Variants in IGHMBP2 observed in about 807,000 individuals in gnomAD.
IGHMBP2 encodes the protein immunoglobulin mu DNA binding protein 2, also known as DNA-binding protein SMUBP-2.
In IGHMBP2, 81 loss-of-function variants were observed where a neutral mutation model predicts 96.0. That is an observed-to-expected ratio of 0.84 (90% CI 0.71 to 1.01). The LOEUF (loss-of-function observed/expected upper bound fraction) is 1.01, where lower values mean the gene tolerates loss of function less well. Among genes scored for constraint, IGHMBP2 ranks in the 50% least tolerant of loss-of-function variants. The pLI is 0.00. For missense variants in IGHMBP2, 1,227 were observed against 1,306.3 expected (o/e 0.94, Z 0.94); for synonymous variants, 557 against 548.9 (o/e 1.01, Z -0.21).
chr11:68,904,342 C>G (rs181461933), intron 1 of IGHMBP2, among the ~76,000 whole-genome samples: 1 of 152,178 alleles, frequency 6.6e-6, no homozygotes, highest in Non-Finnish European at 1.5e-5. Flanking sequence ...AGCGAGTTAG[C>G]AGCCCTTTCC....
intron 7 of IGHMBP2, among the ~76,000 whole-genome samples, chr11:68,918,858 A>G (rs1390537508): frequency 6.6e-6 from 1 of 151,724 alleles, no homozygotes; most frequent in Non-Finnish European, 1.5e-5. Flanking sequence ...CTTTTTCTCT[A>G]TTGTTTTTCT....
In IGHMBP2 at chr11:68,940,030, A is replaced by T; in HGVS notation, c.*299A>T. The T allele has an allele frequency of 2.2e-6, 1 of 452,976 alleles. No individual in the cohort carries two copies. Among genetic ancestry groups the T allele is most frequent in the South Asian group, 2.7e-5 (1 of 37,596 alleles). The allele number at this position is 452,976 out of a possible 1,614,324, so 28.1% of individuals were successfully genotyped here. ...CATCCCAGCCTCTGGATCCTGGGGA[A>T]GGTTCCAGTCCCTGGAGAATACCCA... On this transcript the variant is annotated 3_prime_UTR_variant, in exon 15 of 15. Transcript: ENST00000255078.
At chr11:68,926,276 T>G (rs537346804) in intron 7 of IGHMBP2, 54 of 148,188 alleles carry the variant, frequency 3.6e-4, no homozygotes, top group African/African-American at 1.3e-3. Context: ...CTTTTTTTTT[T>G]TTTTTTTTTT....
At position 68,914,966 on chromosome 11, in the gene IGHMBP2, G is replaced by A. The variant is rs147409148; in HGVS notation, c.855G>A (p.Ala285=). The change falls in exon 6 of 15, where the codon GCG becomes GCA. Residue 285 remains alanine (A), a synonymous_variant. Coordinates refer to ENST00000255078, the MANE Select transcript of IGHMBP2 (RefSeq NM_002180.3). The part of the protein sequence containing the change: ...IQQHSLDAVL[A]RSDSAQIVAD... Reference sequence around the variant, plus strand: ...AGCACTCCCTGGATGCGGTTTTAGCGCGGAGCGACAGTGCCCAGATTGTTG... The same window carrying A: ...AGCACTCCCTGGATGCGGTTTTAGCACGGAGCGACAGTGCCCAGATTGTTG... 3.4e-4 allele frequency: 553 copies of A among 1,614,086 alleles called. No individual in the cohort carries two copies. The highest frequency in any genetic ancestry group is 4.3e-4 in the Non-Finnish European group (511 of 1,180,022).
chr11:68,912,923 T>C (rs2154007023), intron 5 of IGHMBP2, among the ~76,000 whole-genome samples: 1 of 151,212 alleles, frequency 6.6e-6, no homozygotes, highest in South Asian at 2.1e-4. Flanking sequence ...ACACCTGCAA[T>C]CCCAGCTACT....
chr11:68,927,428 G>A (rs1286906816), intron 7 of IGHMBP2, among the ~76,000 whole-genome samples: 1 of 152,204 alleles, frequency 6.6e-6, no homozygotes, highest in Non-Finnish European at 1.5e-5. Flanking sequence ...CCAACACAGA[G>A]CCAGGCTGTT....
At chr11:68,906,504 G>T in intron 2 of IGHMBP2, 1 of 449,464 alleles carries the variant, frequency 2.2e-6, no homozygotes. Flanking sequence ...CACCAAATTT[G>T]GAAGATTATG....
In IGHMBP2 at chr11:68,928,807, T is replaced by G. The variant is rs530330421; in HGVS notation, c.1061-376T>G. Among the ~76,000 whole-genome samples, 4 of 150,164 alleles carry G rather than the reference T, an allele frequency of 2.7e-5. No individual in the cohort carries two copies. In the South Asian group the frequency reaches 8.3e-4, roughly 31 times the overall value. On this transcript the variant is annotated intron_variant, in intron 7 of 14. Transcript: ENST00000255078. ...TCTGGGTGAGTGCCCAGCAGTTGAT[T>G]GTTCTGTATGTCCAAGAAAGTCACC...
intron 8 of IGHMBP2, among the ~76,000 whole-genome samples, chr11:68,931,313 T>G (rs374154639): frequency 6.6e-6 from 1 of 152,084 alleles, no homozygotes; most frequent in East Asian, 1.9e-4. Flanking sequence ...CAGCTACAGC[T>G]GCACCCAAGA....
At chr11:68,931,485 G>A (rs1312985288) in intron 8 of IGHMBP2, among the ~76,000 whole-genome samples, 2 of 152,166 alleles carry the variant, frequency 1.3e-5, no homozygotes, top group African/African-American at 2.4e-5. Context: ...TAAGAGCACC[G>A]GGAGACGCAG....
At chr11:68,928,569 G>A (rs576318906) in intron 7 of IGHMBP2, among the ~76,000 whole-genome samples, 1 of 152,326 alleles carries the variant, frequency 6.6e-6, no homozygotes, top group Admixed American at 6.5e-5. Flanking sequence ...CCTTTGTGGT[G>A]CAATCTCATG....
chr11:68,917,993 A>G, intron 7 of IGHMBP2, 110 bp downstream of exon 7: 1 of 1,283,970 alleles, frequency 7.8e-7, no homozygotes, highest in South Asian at 1.2e-5. Flanking sequence ...TCTTTCTTAA[A>G]AGTTGGGTAG....
chr11:68,911,361 G>C, intron 4 of IGHMBP2, 79 bp from the exon 5 acceptor site: 5 of 1,460,908 alleles, frequency 3.4e-6, no homozygotes. Context: ...CTCATCCCCC[G>C]GGGCACACAC....
rs1445808348 is a variant in IGHMBP2 at position 68,936,859 on chromosome 11, G to C, written c.2379G>C (p.Leu793=). Residue 793 remains leucine, a synonymous_variant, in exon 13 of 15, where the codon CTG becomes CTC. Coordinates refer to ENST00000255078, the MANE Select transcript of IGHMBP2 (RefSeq NM_002180.3). ...GGGCCCCGCGACCCCGAGCAGCCCT[G>C]GGACCCCCAGCAGGGACCGGTGGCC... The part of the protein sequence containing the change: ...SKRAPRPRAA[L]GPPAGTGGPA... 1.2e-6 allele frequency: 2 copies of C among 1,612,908 alleles called. No homozygotes were observed. The highest frequency in any genetic ancestry group is 3.3e-5 in the Admixed American group (2 of 59,976).
chr11:68,936,775 C>A lies in IGHMBP2; in HGVS notation c.2295C>A (p.His765Gln). Residue 765 changes from histidine (H) to glutamine (Q), a missense_variant, in exon 13 of 15, where the codon CAC (histidine) becomes CAA (glutamine). Coordinates refer to ENST00000255078, the MANE Select transcript of IGHMBP2 (RefSeq NM_002180.3). Reference sequence around the variant, plus strand: ...GGGTCCACCAAATAGCCGAGGAGCACGGGCTGAGGCACGACAGTTCCGGGG... The same window carrying A: ...GGGTCCACCAAATAGCCGAGGAGCAAGGGCTGAGGCACGACAGTTCCGGGG... ...RLRVHQIAEE[H>Q]GLRHDSSGEG... 1 of 1,614,036 alleles carries A rather than the reference C, an allele frequency of 6.2e-7. No homozygotes were observed. Among genetic ancestry groups the A allele is most frequent in the Admixed American group, 1.7e-5 (1 of 60,032 alleles).
chr11:68,931,489 G>A (rs1049171835), intron 8 of IGHMBP2, among the ~76,000 whole-genome samples: 11 of 152,200 alleles, frequency 7.2e-5, no homozygotes, highest in Non-Finnish European at 1.3e-4. Flanking sequence ...AGCACCGGGA[G>A]ACGCAGATCC....
chr11:68,916,042 C>T (rs1171509799), intron 6 of IGHMBP2, among the ~76,000 whole-genome samples: 1 of 151,908 alleles, frequency 6.6e-6, no homozygotes, highest in Admixed American at 6.6e-5. Flanking sequence ...AGCATGGTGG[C>T]GGGCACCTGT....
chr11:68,932,915 C>G lies in IGHMBP2; in HGVS notation c.1236-384C>G. The G allele has an allele frequency of 1.5e-5, 4 of 267,068 alleles. No individual in the cohort carries two copies. In the South Asian group the frequency reaches 2.1e-4, roughly 14 times the overall value. The allele number at this position is 267,068 out of a possible 1,614,324, so 16.5% of individuals were successfully genotyped here. ...ACTGCTTGACTTGTTGCCCTTTCCT[C>G]TGTCTATGAAGCCAGCCGTGTTACG... On this transcript the variant is annotated intron_variant, in intron 8 of 14. Coordinates refer to ENST00000255078, the MANE Select transcript of IGHMBP2 (RefSeq NM_002180.3).
chr11:68,938,046 C>G, intron 13 of IGHMBP2, 136 bp from the exon 14 acceptor site: 3 of 941,948 alleles, frequency 3.2e-6, no homozygotes, highest in Non-Finnish European at 5.2e-6. Flanking sequence ...GCAAGCAGTC[C>G]TCCTACCTCA....
Sources: allele counts gnomAD v4.1 joint callset (sites outside exome capture counted in the v4.1 genomes callset), GRCh38; gene constraint gnomAD v4.1.1; transcripts MANE v1.5; gene names NCBI Gene and HGNC (gene_info 2026-07-23, HGNC 2026-07-21).